Variants in ZMYND11 observed in about 807,000 individuals in gnomAD.
The protein encoded by ZMYND11 is zinc finger MYND-type containing 11, also known as zinc finger MYND domain-containing protein 11.
A neutral mutation model predicts 84.9 loss-of-function variants in ZMYND11; 9 were observed. The ratio of observed to expected loss-of-function variants is 0.11; its 90% confidence interval spans 0.06 to 0.18. The LOEUF is 0.18. ZMYND11 is among the 10% of genes least tolerant of loss of function. ZMYND11 has a pLI of 1.00. For missense variants in ZMYND11, 409 were observed against 761.0 expected (o/e 0.54, Z 5.44); for synonymous variants, 250 against 244.1 (o/e 1.02, Z -0.23).
intron 3 of ZMYND11, among the ~76,000 whole-genome samples, chr10:216,915 A>G (rs114587676): frequency 0.02 from 2,996 of 152,296 alleles, 95 homozygotes; most frequent in African/African-American, 0.068. Context: ...ATATGTAACC[A>G]TCAGATTATT....
intron 1 of ZMYND11, among the ~76,000 whole-genome samples, chr10:141,422 A>T (rs948379034): frequency 6.6e-6 from 1 of 152,204 alleles, no homozygotes; most frequent in Admixed American, 6.5e-5. Flanking sequence ...GGACTGCTTG[A>T]GCCCAGGAGT....
intron 3 of ZMYND11, among the ~76,000 whole-genome samples, chr10:218,821 T>C (rs1376058254): frequency 6.6e-6 from 1 of 152,224 alleles, no homozygotes. Flanking sequence ...AAGCATTATG[T>C]AAAGGATCTC....
chr10:204,424 C>G (rs140976456), intron 2 of ZMYND11, among the ~76,000 whole-genome samples: 2 of 152,104 alleles, frequency 1.3e-5, no homozygotes, highest in African/African-American at 4.8e-5. Context: ...AATCACCTGT[C>G]TTTTTGGTTT....
chr10:154,440 T>C (rs547451064), intron 1 of ZMYND11, among the ~76,000 whole-genome samples: 1 of 152,262 alleles, frequency 6.6e-6, no homozygotes, highest in Admixed American at 6.5e-5. Context: ...GTGTCATAGA[T>C]GTCGAGACGG....
At chr10:217,514 CAAAA>C (rs80091968) in intron 3 of ZMYND11, among the ~76,000 whole-genome samples, 1 of 79,950 alleles carries the variant, frequency 1.3e-5, no homozygotes, top group Admixed American at 1.3e-4. Context: ...ATTCTGTCTC[CAAAA>C]AAAAAAAAAA....
At chr10:233,869 C>T (rs991168212) in intron 4 of ZMYND11, among the ~76,000 whole-genome samples, 14 of 152,222 alleles carry the variant, frequency 9.2e-5, no homozygotes, top group African/African-American at 3.4e-4. Context: ...ATGTTGCTTG[C>T]ACATGGTGAC....
chr10:226,528 C>T (rs1948166719), intron 4 of ZMYND11, among the ~76,000 whole-genome samples: 1 of 152,118 alleles, frequency 6.6e-6, no homozygotes, highest in South Asian at 2.1e-4. Context: ...GTTGTAGATT[C>T]ATGTTATTGC....
intron 2 of ZMYND11, among the ~76,000 whole-genome samples, chr10:198,256 C>G (rs1210076410): frequency 1.3e-5 from 2 of 151,944 alleles, no homozygotes; most frequent in African/African-American, 4.8e-5. Context: ...TAGGTCTCTA[C>G]CTAGCTTTAA....
chr10:179,152 C>T (rs752823738), intron 1 of ZMYND11, among the ~76,000 whole-genome samples: 2 of 152,130 alleles, frequency 1.3e-5, no homozygotes, highest in East Asian at 1.9e-4. Context: ...TCATGACAAA[C>T]GCTTACCAGA....
intron 14 of ZMYND11, among the ~76,000 whole-genome samples, chr10:250,372 G>A (rs1481566419): frequency 3.3e-5 from 5 of 152,202 alleles, no homozygotes; most frequent in Admixed American, 1.3e-4. Flanking sequence ...GCTCATGCCC[G>A]TAGTCCCAGT....
At chr10:176,084 G>GT (rs1176346615) in intron 1 of ZMYND11, among the ~76,000 whole-genome samples, 3 of 152,014 alleles carry the variant, frequency 2.0e-5, no homozygotes, top group African/African-American at 7.2e-5. Flanking sequence ...TTATTCTTAA[G>GT]TTTTTTTCTG....
chr10:238,738 A>C (rs545374057), intron 6 of ZMYND11, among the ~76,000 whole-genome samples: 46 of 152,338 alleles, frequency 3.0e-4, no homozygotes, highest in Middle Eastern at 3.4e-3. Flanking sequence ...TTTCCCTTAA[A>C]GTAACTGGTA....
At chr10:236,117 T>C (rs575267382) in intron 4 of ZMYND11, among the ~76,000 whole-genome samples, 2 of 152,372 alleles carry the variant, frequency 1.3e-5, no homozygotes, top group South Asian at 2.1e-4. Flanking sequence ...GAACTGATGA[T>C]GTTCGCGTGC....
intron 4 of ZMYND11, among the ~76,000 whole-genome samples, chr10:235,035 AAGG>A (rs897477460): frequency 6.7e-6 from 1 of 150,092 alleles, no homozygotes; most frequent in Non-Finnish European, 1.5e-5. Flanking sequence ...TCTTGTTAAA[AAGG>A]AGAGTGGTTT....
chr10:132,879 C>T (rs1433167007), upstream of ZMYND11, among the ~76,000 whole-genome samples: 2 of 152,130 alleles, frequency 1.3e-5, no homozygotes, highest in African/African-American at 4.8e-5. Context: ...TCAGTGGCAC[C>T]CGCTTTGAAA....
At chr10:209,468 A>C (rs1467317729) in intron 2 of ZMYND11, among the ~76,000 whole-genome samples, 1 of 152,232 alleles carries the variant, frequency 6.6e-6, no homozygotes, top group Non-Finnish European at 1.5e-5. Context: ...GTATTACAAA[A>C]TATGTTTGTA....
In ZMYND11 at chr10:170,431, CGTGTGT is replaced by C. The variant is rs147441773; in HGVS notation, c.-19-9543_-19-9538del. ...GTAACTGTGTATTTGATTATGTGTG[CGTGTGT>C]GTGTGTGTGTGTGTGTGTGCGTGCT... On this transcript the variant is annotated intron_variant, in intron 1 of 14. Transcript: ENST00000381604. Among the ~76,000 whole-genome samples the C allele has an allele frequency of 4.9e-3, 728 of 147,804 alleles. 5 individuals carry two copies. The highest frequency in any genetic ancestry group is 0.017 in the African/African-American group (684 of 40,402).
In ZMYND11 at chr10:253,770, A is replaced by G. The variant is rs1260584501; in HGVS notation, c.*1300A>G. On this transcript the variant is annotated 3_prime_UTR_variant, in exon 15 of 15. Coordinates refer to ENST00000381604, the MANE Select transcript of ZMYND11 (RefSeq NM_001370100.5). ...TGAGGTTAGAGAATAATTTGTACAT[A>G]TTTATTTAGACCTTTGATATTTATT... 1 of 152,628 alleles carries G rather than the reference A, an allele frequency of 6.6e-6. No homozygotes were observed. Among genetic ancestry groups the G allele is most frequent in the African/African-American group, 2.4e-5 (1 of 41,446 alleles). 9.5% of individuals were successfully genotyped at this position (152,628 alleles called of 1,614,324 possible).
intron 3 of ZMYND11, among the ~76,000 whole-genome samples, chr10:211,227 A>AGATTT (rs763182204): frequency 2.6e-5 from 4 of 151,922 alleles, no homozygotes; most frequent in Non-Finnish European, 5.9e-5. Flanking sequence ...ATCTATAGAT[A>AGATTT]TCTTTTTCTT....
Sources: allele counts gnomAD v4.1 joint callset (sites outside exome capture counted in the v4.1 genomes callset), GRCh38; gene constraint gnomAD v4.1.1; transcripts MANE v1.5; gene names NCBI Gene and HGNC (gene_info 2026-07-23, HGNC 2026-07-21).